PLEKHG1: variants seen among roughly 807,000 people sequenced by gnomAD.
PLEKHG1 encodes pleckstrin homology domain-containing family G member 1.
A neutral mutation model predicts 100.8 loss-of-function variants in PLEKHG1; 44 were observed. That is an observed-to-expected ratio of 0.44 (90% CI 0.34 to 0.56). PLEKHG1 has a LOEUF of 0.56. Among genes scored for constraint, PLEKHG1 ranks in the 20% least tolerant of loss-of-function variants. PLEKHG1 has a pLI of 0.01. For synonymous variants in PLEKHG1, 640 were observed against 662.5 expected, an observed-to-expected ratio of 0.97 and a Z score of 0.52; for missense variants, 1,545 against 1,720.9, an observed-to-expected ratio of 0.90 and a Z score of 1.81.
At chr6:150,805,330 G>A (rs185493548) in intron 7 of PLEKHG1, among the ~76,000 whole-genome samples, 1 of 152,318 alleles carries the variant, frequency 6.6e-6, no homozygotes, top group East Asian at 1.9e-4. Flanking sequence ...TGCAAATTTA[G>A]TAATTCTTAT....
At chr6:150,685,970 C>T (rs1446521180) in intron 3 of PLEKHG1, among the ~76,000 whole-genome samples, 1 of 152,236 alleles carries the variant, frequency 6.6e-6, no homozygotes, top group Non-Finnish European at 1.5e-5. Flanking sequence ...TCAACTTCTA[C>T]CACCTAGGCT....
At chr6:150,693,284 T>C (rs1780415638) in intron 3 of PLEKHG1, among the ~76,000 whole-genome samples, 1 of 152,010 alleles carries the variant, frequency 6.6e-6, no homozygotes, top group African/African-American at 2.4e-5. Context: ...CAGGACTCTG[T>C]CTCAAAAAAT....
intron 3 of PLEKHG1, among the ~76,000 whole-genome samples, chr6:150,777,544 TACTC>T (rs1266776079): frequency 6.9e-5 from 10 of 144,044 alleles, no homozygotes; most frequent in Non-Finnish European, 1.4e-4. Flanking sequence ...GGTTGCACAT[TACTC>T]ACACTGATGC....
At chr6:150,807,640 G>A (rs1019192655) in intron 7 of PLEKHG1, among the ~76,000 whole-genome samples, 6 of 152,102 alleles carry the variant, frequency 3.9e-5, no homozygotes, top group African/African-American at 1.4e-4. Context: ...TGGGGCAAGT[G>A]GGGGTGGTTA....
chr6:150,831,882 A>G lies in PLEKHG1; in HGVS notation c.2771A>G (p.Lys924Arg). ...CCCTTTGAGGAAGACCTGATTTCTA[A>G]AGAAGGCTCCTTTATGAGCCTTAAC... is the stretch of plus-strand genomic sequence containing the variant. The change falls in exon 15 of 16, where the codon AAA becomes AGA. Residue 924 changes from lysine to arginine, a missense_variant. Lys to Arg is a conservative substitution (Grantham distance 26). Coordinates refer to ENST00000358517, the Ensembl canonical transcript of PLEKHG1. This position sits in a 1 kb window ranked among gnomAD's most constrained non-coding sequence, Gnocchi z 4.1. 1 of 1,614,012 alleles carries G rather than the reference A, an allele frequency of 6.2e-7. No homozygotes were observed. Among genetic ancestry groups the G allele is most frequent in the South Asian group, 1.1e-5 (1 of 91,086 alleles).
At position 150,828,812 on chromosome 6, in the gene PLEKHG1, A is replaced by T. The variant is rs1432734552; in HGVS notation, c.1471-1770A>T. On this transcript the variant is annotated intron_variant, in intron 14 of 15. Transcript: ENST00000358517. Reference sequence around the variant, plus strand: ...ATTAACCTTGTTTTACTTTATAAAAAGTAGTTACTGGGTGCCTATATTTTT... The same window carrying T: ...ATTAACCTTGTTTTACTTTATAAAATGTAGTTACTGGGTGCCTATATTTTT... Among the ~76,000 whole-genome samples the T allele has an allele frequency of 2.0e-5, 3 of 152,244 alleles. No homozygotes were observed. The East Asian group carries it at 5.8e-4, about 29-fold the overall frequency.
chr6:150,793,438 T>C (rs1329154871), intron 4 of PLEKHG1, among the ~76,000 whole-genome samples: 1 of 152,162 alleles, frequency 6.6e-6, no homozygotes, highest in African/African-American at 2.4e-5. Flanking sequence ...ATTCTGCCTT[T>C]CCCATACAAA....
At chr6:150,761,670 A>AT (rs1784169469) in intron 2 of PLEKHG1, among the ~76,000 whole-genome samples, 1 of 152,154 alleles carries the variant, frequency 6.6e-6, no homozygotes, top group Non-Finnish European at 1.5e-5. Flanking sequence ...GAACTTTAAC[A>AT]TATTAATACT....
chr6:150,735,337 A>G lies in PLEKHG1; in HGVS notation c.411+1245A>G, dbSNP rs1782510217. 7.2e-5 allele frequency among the ~76,000 whole-genome samples: 11 copies of G among 152,248 alleles called. 1 individual carries two copies. The South Asian group carries it at 2.3e-3, about 32-fold the overall frequency. ...GCTACACTTGCTTTGCTGCCTACTA[A>G]TACACCAGATTCTTTCATTTGTTAC... On this transcript the variant is annotated intron_variant, in intron 2 of 15. Coordinates refer to ENST00000358517, the Ensembl canonical transcript of PLEKHG1.
chr6:150,661,316 A>AT (rs1261947058), intron 3 of PLEKHG1, among the ~76,000 whole-genome samples: 1 of 152,220 alleles, frequency 6.6e-6, no homozygotes, highest in Non-Finnish European at 1.5e-5. Flanking sequence ...CAGGATTAGG[A>AT]TTTTTTATAG....
intron 1 of PLEKHG1, among the ~76,000 whole-genome samples, chr6:150,602,781 C>A (rs1189281775): frequency 6.6e-6 from 1 of 152,138 alleles, no homozygotes; most frequent in Non-Finnish European, 1.5e-5. Flanking sequence ...CTCTCCCCTG[C>A]CCCTCTTGAA....
chr6:150,673,386 A>G (rs1340665502), intron 3 of PLEKHG1, among the ~76,000 whole-genome samples: 5 of 152,184 alleles, frequency 3.3e-5, no homozygotes, highest in African/African-American at 1.2e-4. Context: ...ACATGGAAGG[A>G]TCCCCAGGTG....
chr6:150,673,740 A>G (rs905784066), intron 3 of PLEKHG1, among the ~76,000 whole-genome samples: 5 of 151,686 alleles, frequency 3.3e-5, no homozygotes, highest in African/African-American at 4.8e-5. Context: ...GACTCACTGC[A>G]GCCTCAACCT....
At chr6:150,789,286 T>TTA (rs1785824244) in intron 4 of PLEKHG1, among the ~76,000 whole-genome samples, 1 of 152,186 alleles carries the variant, frequency 6.6e-6, no homozygotes, top group Non-Finnish European at 1.5e-5. Context: ...TTCTTATGAT[T>TTA]TATATATATT....
intron 14 of PLEKHG1, among the ~76,000 whole-genome samples, chr6:150,829,597 C>G (rs1776799450): frequency 6.6e-6 from 1 of 152,048 alleles, no homozygotes; most frequent in Admixed American, 6.6e-5. Flanking sequence ...AGGCTGCATT[C>G]CAGCCTGGGC....
At chr6:150,675,136 T>G (rs1028121550) in intron 3 of PLEKHG1, among the ~76,000 whole-genome samples, 2 of 152,198 alleles carry the variant, frequency 1.3e-5, no homozygotes, top group African/African-American at 4.8e-5. Flanking sequence ...GAGTTCACCA[T>G]ATGCCAGCAG....
chr6:150,800,855 C>A, exon 6 of PLEKHG1: 2 of 1,613,972 alleles, frequency 1.2e-6, no homozygotes, highest in Non-Finnish European at 1.7e-6. Context: ...TCTCAAGTAT[C>A]ATCTCCTTCT....
intron 3 of PLEKHG1, among the ~76,000 whole-genome samples, chr6:150,679,014 C>T (rs565621026): frequency 1.6e-4 from 24 of 152,154 alleles, no homozygotes; most frequent in Non-Finnish European, 3.4e-4. Flanking sequence ...TAATAAATCT[C>T]TGAAAAAACA....
At chr6:150,698,005 C>T (rs1364947197) in intron 3 of PLEKHG1, among the ~76,000 whole-genome samples, 3 of 151,752 alleles carry the variant, frequency 2.0e-5, no homozygotes, top group Non-Finnish European at 2.9e-5. Context: ...TTGGCTAATG[C>T]ATCAAACAAG....
Sources: gnomAD v4.1 joint callset for allele counts (sites outside exome capture counted in the v4.1 genomes callset) on GRCh38, gnomAD v4.1.1 for gene constraint, Gnocchi (gnomAD v3.1) non-coding constraint, MANE v1.5 for transcripts, NCBI Gene and HGNC (gene_info 2026-07-23, HGNC 2026-07-21) for gene names.